NACC2: variants seen among roughly 807,000 people sequenced by gnomAD.
NACC2 encodes NACC family member 2, also known as nucleus accumbens-associated protein 2.
A neutral mutation model predicts 25.1 loss-of-function variants in NACC2; 8 were observed. That is an observed-to-expected ratio of 0.32 (90% CI 0.19 to 0.57). The LOEUF is 0.57. Ranked by LOEUF, NACC2 falls within the 20% of genes least tolerant of loss-of-function variation. NACC2 has a pLI of 0.89. For missense variants in NACC2, 644 were observed against 650.2 expected (o/e 0.99, Z 0.10); for synonymous variants, 435 against 294.7 (o/e 1.48, Z -4.88).
At chr9:136,066,896 T>C (rs1377267190) in intron 1 of NACC2, among the ~76,000 whole-genome samples, 1 of 151,572 alleles carries the variant, frequency 6.6e-6, no homozygotes, top group African/African-American at 2.4e-5. Flanking sequence ...AGGGCACATA[T>C]TATGAGATTC....
intron 2 of NACC2, among the ~76,000 whole-genome samples, chr9:136,031,703 T>G (rs927735877): frequency 6.6e-6 from 1 of 152,132 alleles, no homozygotes; most frequent in Non-Finnish European, 1.5e-5. Flanking sequence ...TAAAGCAAAA[T>G]TAGAGGGCAA....
At chr9:136,089,534 G>A (rs1830414493) in intron 1 of NACC2, among the ~76,000 whole-genome samples, 1 of 151,746 alleles carries the variant, frequency 6.6e-6, no homozygotes, top group Admixed American at 6.5e-5. Context: ...CCCAGCGCTG[G>A]GGGCCTCTCC....
intron 2 of NACC2, 34 bp downstream of exon 2, chr9:136,049,602 C>T (rs1840784113): frequency 4.0e-6 from 3 of 757,292 alleles, no homozygotes; most frequent in Non-Finnish European, 7.4e-6. Context: ...CGCTTCCCAG[C>T]CAGGTGGTGT....
At position 136,055,509 on chromosome 9, in the gene NACC2, C is replaced by T. The variant is rs898942994; in HGVS notation, c.-59-4929G>A. Among the ~76,000 whole-genome samples the T allele has an allele frequency of 6.6e-6, 1 of 152,178 alleles. No individual in the cohort carries two copies. The highest frequency in any genetic ancestry group is 2.1e-4 in the South Asian group (1 of 4,832). ...AGGCAGCTCCATGGTCTGAGGGCCT[C>T]GCCCAGAGTCCCCAGAAACCCTGCC... On this transcript the variant is annotated intron_variant, in intron 1 of 5. Transcript: ENST00000277554. The surrounding 1 kb of genome is among the most constrained non-coding windows in gnomAD (Gnocchi z 4.9).
chr9:136,072,480 G>T (rs1240422294), intron 1 of NACC2, among the ~76,000 whole-genome samples: 1 of 152,078 alleles, frequency 6.6e-6, no homozygotes, highest in African/African-American at 2.4e-5. Flanking sequence ...AGAAGGCAGA[G>T]ATTGCAGTGA....
intron 1 of NACC2, among the ~76,000 whole-genome samples, chr9:136,090,502 G>A (rs1830423619): frequency 6.6e-6 from 1 of 152,060 alleles, no homozygotes; most frequent in Non-Finnish European, 1.5e-5. Context: ...AAAGAGGGGG[G>A]CACTAGCATT....
intron 1 of NACC2, among the ~76,000 whole-genome samples, chr9:136,063,979 A>G (rs1841048121): frequency 6.6e-6 from 1 of 152,152 alleles, no homozygotes; most frequent in Non-Finnish European, 1.5e-5. Flanking sequence ...TAACACTGTT[A>G]GAGCCCCCAG....
At chr9:136,090,508 G>A (rs1162645389) in intron 1 of NACC2, among the ~76,000 whole-genome samples, 1 of 152,100 alleles carries the variant, frequency 6.6e-6, no homozygotes, top group African/African-American at 2.4e-5. Context: ...GGGGGCACTA[G>A]CATTTTGTGG....
intron 1 of NACC2, among the ~76,000 whole-genome samples, chr9:136,080,067 A>T (rs543965560): frequency 6.6e-6 from 1 of 152,308 alleles, no homozygotes; most frequent in Admixed American, 6.5e-5. Context: ...GTCATGGCCC[A>T]GCTGGCAGAG....
chr9:136,015,144 C>T lies in NACC2; in HGVS notation c.1051+1121G>A, dbSNP rs139987717. Among the ~76,000 whole-genome samples the T allele has an allele frequency of 2.4e-3, 372 of 152,304 alleles. 2 individuals are homozygous for T. Among genetic ancestry groups the T allele is most frequent in the African/African-American group, 8.6e-3 (359 of 41,554 alleles). ...CCTGAGGAGCTCATAAACTGAAGCA[C>T]GTCTCCAATCCCATCAGCCCCACAC... is the stretch of plus-strand genomic sequence containing the variant. On this transcript the variant is annotated intron_variant, in intron 3 of 5. Transcript: ENST00000277554.
intron 2 of NACC2, 40 bp from the exon 3 acceptor site, chr9:136,016,469 G>A (rs1460384505): frequency 6.2e-7 from 1 of 1,608,602 alleles, no homozygotes; most frequent in Non-Finnish European, 8.5e-7. Flanking sequence ...GGGCATCTGG[G>A]GGGCCGGGCT....
chr9:136,020,069 G>A lies in NACC2; in HGVS notation c.887-3640C>T, dbSNP rs1840267052. ...GGGGAAGATGGGAAGTTCTGGAGCC[G>A]ATGGCAGTGATGCTCACAAAACAGT... On this transcript the variant is annotated intron_variant, in intron 2 of 5. Coordinates refer to ENST00000277554, the MANE Select transcript of NACC2 (RefSeq NM_144653.5). The surrounding 1 kb of genome is among the most constrained non-coding windows in gnomAD (Gnocchi z 4.7). Among the ~76,000 whole-genome samples, 1 of 152,164 alleles carries A rather than the reference G, an allele frequency of 6.6e-6. No homozygotes were observed. Among genetic ancestry groups the A allele is most frequent in the Admixed American group, 6.5e-5 (1 of 15,282 alleles).
intron 1 of NACC2, among the ~76,000 whole-genome samples, chr9:136,088,578 C>T (rs977851426): frequency 2.0e-5 from 3 of 152,200 alleles, no homozygotes; most frequent in Admixed American, 6.5e-5. Flanking sequence ...CGGTGACCAC[C>T]GCAGTCAGCC....
chr9:136,071,988 A>C (rs1412620342), intron 1 of NACC2, among the ~76,000 whole-genome samples: 1 of 152,188 alleles, frequency 6.6e-6, no homozygotes, highest in African/African-American at 2.4e-5. Flanking sequence ...CCGTAATCCC[A>C]GCACTTCGGG....
In NACC2 at chr9:136,019,000, A is replaced by G. The variant is rs1041605671; in HGVS notation, c.887-2571T>C. Among the ~76,000 whole-genome samples, 2 of 152,162 alleles carry G rather than the reference A, an allele frequency of 1.3e-5. No individual in the cohort carries two copies. Among genetic ancestry groups the G allele is most frequent in the Non-Finnish European group, 2.9e-5 (2 of 68,024 alleles). On this transcript the variant is annotated intron_variant, in intron 2 of 5. Coordinates refer to ENST00000277554, the MANE Select transcript of NACC2 (RefSeq NM_144653.5). The surrounding 1 kb of genome is among the most constrained non-coding windows in gnomAD (Gnocchi z 4.4). ...TCCCCAGCCCCTGCCCAGCTCCCCA[A>G]GAGCCAGAGACTGTCAGCACCAGAG...
intron 3 of NACC2, 88 bp downstream of exon 3, chr9:136,016,177 G>A: frequency 3.5e-6 from 5 of 1,412,948 alleles, no homozygotes; most frequent in South Asian, 1.2e-5. Context: ...GATTGGTGAT[G>A]AGTACATTGT....
At chr9:136,093,954 C>A (rs1830459329) in intron 1 of NACC2, among the ~76,000 whole-genome samples, 1 of 152,144 alleles carries the variant, frequency 6.6e-6, no homozygotes, top group African/African-American at 2.4e-5. Flanking sequence ...AGGTCAGGAG[C>A]CTGCCAGACG....
Position 136,010,816 on chromosome 9 carries a change from A to C in NACC2, c.*700T>G, listed in dbSNP as rs1224090921. On this transcript the variant is annotated 3_prime_UTR_variant, in exon 6 of 6. Transcript: ENST00000277554. The surrounding 1 kb of genome is among the most constrained non-coding windows in gnomAD (Gnocchi z 4.9). ...GGGGGTCAGGGGACCGAGGGGCTGCAGAGCCGAGACGGATCGGGCAGAACA... is the reference window on the plus strand; with the variant it reads ...GGGGGTCAGGGGACCGAGGGGCTGCCGAGCCGAGACGGATCGGGCAGAACA... The C allele has an allele frequency of 6.6e-6, 1 of 152,362 alleles. No individual in the cohort carries two copies. The highest frequency in any genetic ancestry group is 1.5e-5 in the Non-Finnish European group (1 of 68,142). 9.4% of individuals were successfully genotyped at this position (152,362 alleles called of 1,614,324 possible).
rs964606409 is a variant in NACC2, at chr9:136,013,395, C to T, written c.1158-99G>A. ...AATGCCCTGCTGGGAGGCCACTTGG[C>T]CTCACCCTTGGCTGGTCTGCGTGTG... On this transcript the variant is annotated intron_variant, in intron 4 of 5. Transcript: ENST00000277554. The surrounding 1 kb of genome is among the most constrained non-coding windows in gnomAD (Gnocchi z 6.6). 1.7e-5 allele frequency: 19 copies of T among 1,109,160 alleles called. No individual in the cohort carries two copies. The highest frequency in any genetic ancestry group is 2.4e-5 in the East Asian group (1 of 41,686). The allele number at this position is 1,109,160 out of a possible 1,614,324, so 68.7% of individuals were successfully genotyped here.
Sources: allele counts gnomAD v4.1 joint callset (sites outside exome capture counted in the v4.1 genomes callset), GRCh38; gene constraint gnomAD v4.1.1; non-coding constraint Gnocchi (gnomAD v3.1); transcripts MANE v1.5; gene names NCBI Gene and HGNC (gene_info 2026-07-23, HGNC 2026-07-21).